HS3ST4: variants seen among roughly 807,000 people sequenced by gnomAD.
The protein encoded by HS3ST4 is heparan sulfate glucosamine 3-O-sulfotransferase 4.
In HS3ST4, 17 loss-of-function variants were observed where a neutral mutation model predicts 29.2. That is an observed-to-expected ratio of 0.58 (90% CI 0.40 to 0.87). HS3ST4 has a LOEUF of 0.87. Ranked by LOEUF, HS3ST4 falls within the 40% of genes least tolerant of loss-of-function variation. HS3ST4 has a pLI of 0.00. For missense variants in HS3ST4, 627 were observed against 634.5 expected (o/e 0.99, Z 0.13); for synonymous variants, 314 against 285.7 (o/e 1.10, Z -1.00).
chr16:25,974,343 G>A (rs1968924238), intron 1 of HS3ST4, among the ~76,000 whole-genome samples: 1 of 152,164 alleles, frequency 6.6e-6, no homozygotes, highest in African/African-American at 2.4e-5. Flanking sequence ...TGACATCTTA[G>A]ATAGTATTAT....
intron 1 of HS3ST4, among the ~76,000 whole-genome samples, chr16:25,999,881 ATTATATATATATATT>A (rs1567290812): frequency 8.0e-6 from 1 of 124,430 alleles, no homozygotes. Context: ...TTTTATATAT[ATTATATATATATATT>A]TTATATATAT....
chr16:26,001,796 C>A (rs1170474293), intron 1 of HS3ST4, among the ~76,000 whole-genome samples: 2 of 152,022 alleles, frequency 1.3e-5, no homozygotes, highest in African/African-American at 4.8e-5. Flanking sequence ...GAAGAAAGAT[C>A]TCACTGGTTA....
chr16:25,795,959 C>T (rs111676738), intron 1 of HS3ST4, among the ~76,000 whole-genome samples: 9,464 of 151,448 alleles, frequency 0.062, 397 homozygotes, highest in Middle Eastern at 0.097. Context: ...TTTTTTAATC[C>T]CTTTTAGTTT....
At chr16:26,121,581 G>A (rs925929086) in intron 1 of HS3ST4, among the ~76,000 whole-genome samples, 3 of 152,162 alleles carry the variant, frequency 2.0e-5, no homozygotes, top group African/African-American at 7.2e-5. Context: ...TGAGAAGGAA[G>A]GCAGGCTGGC....
At chr16:25,802,923 ATATATGTGTGTGTGTG>A (rs1966952681) in intron 1 of HS3ST4, among the ~76,000 whole-genome samples, 1 of 28,716 alleles carries the variant, frequency 3.5e-5, no homozygotes, top group Non-Finnish European at 7.4e-5. Context: ...CTTTTAAGTT[ATATATGTGTGTGTGTG>A]TGTGTGTGTG....
intron 1 of HS3ST4, among the ~76,000 whole-genome samples, chr16:25,771,570 T>C (rs1966842204): frequency 6.6e-6 from 1 of 152,116 alleles, no homozygotes; most frequent in South Asian, 2.1e-4. Context: ...GCCTTCCTTA[T>C]CTTCTGTGGA....
At chr16:26,003,374 A>G (rs1969229336) in intron 1 of HS3ST4, among the ~76,000 whole-genome samples, 1 of 152,206 alleles carries the variant, frequency 6.6e-6, no homozygotes, top group Non-Finnish European at 1.5e-5. Context: ...TCACTGCTCA[A>G]GAAGTGTTAG....
At chr16:25,863,176 A>G (rs1023731349) in intron 1 of HS3ST4, among the ~76,000 whole-genome samples, 1 of 152,070 alleles carries the variant, frequency 6.6e-6, no homozygotes, top group Admixed American at 6.5e-5. Context: ...TTCTGCCTCC[A>G]GGGTTCAAGC....
In HS3ST4 at chr16:26,033,066, G is replaced by A. The variant is rs1410406129; in HGVS notation, c.735-102546G>A. Among the ~76,000 whole-genome samples, 3 of 152,158 alleles carry A rather than the reference G, an allele frequency of 2.0e-5. No individual in the cohort carries two copies. The East Asian group carries it at 5.8e-4, about 29-fold the overall frequency. ...CCCATTCATTAAGACCTGAACGACAGACTGCGAAATTAAGTGGAAAGAACA... is the reference window on the plus strand; with the variant it reads ...CCCATTCATTAAGACCTGAACGACAAACTGCGAAATTAAGTGGAAAGAACA... On this transcript the variant is annotated intron_variant, in intron 1 of 1. Transcript: ENST00000331351.
chr16:26,011,709 A>T lies in HS3ST4; in HGVS notation c.735-123903A>T, dbSNP rs527942977. On this transcript the variant is annotated intron_variant, in intron 1 of 1. Transcript: ENST00000331351. ...GTGTGTGTGTGTGTGTGTGTGAGAG[A>T]GAGACAGAGAGAGGTGTGTGTGTGT... 5.7e-3 allele frequency among the ~76,000 whole-genome samples: 619 copies of T among 108,732 alleles called. 4 individuals are homozygous for T. Among genetic ancestry groups the T allele is most frequent in the Non-Finnish European group, 9.1e-3 (486 of 53,456 alleles). 71.3% of individuals were successfully genotyped at this position (108,732 alleles called of 152,430 possible). A position where few individuals can be genotyped will look rare whatever the true frequency, so the allele number is the denominator to read the frequency against.
chr16:25,822,155 A>T (rs185613104), intron 1 of HS3ST4, among the ~76,000 whole-genome samples: 1 of 152,272 alleles, frequency 6.6e-6, no homozygotes, highest in Admixed American at 6.5e-5. Flanking sequence ...ATAACAAAAC[A>T]CTGTAAACCT....
chr16:25,837,959 G>T lies in HS3ST4; in HGVS notation c.734+144808G>T, dbSNP rs1014316829. 5.9e-5 allele frequency among the ~76,000 whole-genome samples: 9 copies of T among 152,068 alleles called. No homozygotes were observed. In the East Asian group the frequency reaches 1.7e-3, roughly 29 times the overall value. The stretch of plus-strand genomic sequence containing the variant: ...CCCCCACTTCCCCCTCTTGTAGTCC[G>T]CAGTGTCTACTGTTGCCATCTTGAT... On this transcript the variant is annotated intron_variant, in intron 1 of 1. Transcript: ENST00000331351.
intron 1 of HS3ST4, among the ~76,000 whole-genome samples, chr16:25,876,892 G>C (rs539278978): frequency 1.3e-5 from 2 of 151,878 alleles, no homozygotes. Flanking sequence ...GAACTTCCTT[G>C]TATCATGTTT....
intron 1 of HS3ST4, among the ~76,000 whole-genome samples, chr16:25,735,299 C>T (rs966934414): frequency 2.0e-5 from 3 of 152,190 alleles, no homozygotes; most frequent in Admixed American, 2.0e-4. Flanking sequence ...TCAGGCAAAA[C>T]TGGATCCAGA....
intron 1 of HS3ST4, among the ~76,000 whole-genome samples, chr16:26,050,744 A>G (rs1020214313): frequency 6.6e-6 from 1 of 152,144 alleles, no homozygotes; most frequent in African/African-American, 2.4e-5. Flanking sequence ...TGCTCTGGTG[A>G]TAAATGAGCG....
At position 25,770,148 on chromosome 16, in the gene HS3ST4, C is replaced by T. The variant is rs116452923; in HGVS notation, c.734+76997C>T. ...TCAGAATTCATAGTTGCCTCCCACTCGGTGAATATATTTCTCTGCTTTTTC... is the reference window on the plus strand; with the variant it reads ...TCAGAATTCATAGTTGCCTCCCACTTGGTGAATATATTTCTCTGCTTTTTC... On this transcript the variant is annotated intron_variant, in intron 1 of 1. Transcript: ENST00000331351. 3.4e-3 allele frequency among the ~76,000 whole-genome samples: 512 copies of T among 152,290 alleles called. 5 individuals carry two copies. The highest frequency in any genetic ancestry group is 0.012 in the African/African-American group (490 of 41,538).
chr16:26,049,025 C>A (rs939043382), intron 1 of HS3ST4, among the ~76,000 whole-genome samples: 1 of 152,002 alleles, frequency 6.6e-6, no homozygotes, highest in Non-Finnish European at 1.5e-5. Flanking sequence ...TAGCTAAAAT[C>A]GGAGACTACT....
intron 1 of HS3ST4, among the ~76,000 whole-genome samples, chr16:25,860,979 A>T (rs1967630908): frequency 6.6e-6 from 1 of 152,170 alleles, no homozygotes; most frequent in Non-Finnish European, 1.5e-5. Flanking sequence ...CGGGGAGGAT[A>T]TGGGAAATCC....
At chr16:25,754,919 A>G (rs1966747028) in intron 1 of HS3ST4, among the ~76,000 whole-genome samples, 1 of 151,798 alleles carries the variant, frequency 6.6e-6, no homozygotes, top group Non-Finnish European at 1.5e-5. Context: ...CCACCCATCC[A>G]TCCATTCATC....
Sources: gnomAD v4.1 joint callset for allele counts (sites outside exome capture counted in the v4.1 genomes callset) on GRCh38, gnomAD v4.1.1 for gene constraint, MANE v1.5 for transcripts, NCBI Gene and HGNC (gene_info 2026-07-23, HGNC 2026-07-21) for gene names.